The following CDK6 variants were observed in gnomAD, a reference collection of about 807,000 sequenced individuals.
The protein encoded by CDK6 is cyclin dependent kinase 6.
In CDK6, 6 loss-of-function variants were observed where a neutral mutation model predicts 37.1. That is an observed-to-expected ratio of 0.16 (90% CI 0.09 to 0.32). The LOEUF (loss-of-function observed/expected upper bound fraction) is 0.32. Among genes scored for constraint, CDK6 ranks in the 10% least tolerant of loss-of-function variants. CDK6 has a pLI of 1.00. For synonymous variants in CDK6, 160 were observed against 161.3 expected (o/e 0.99, Z 0.06); for missense variants, 224 against 418.9 (o/e 0.53, Z 4.06).
chr7:92,628,004 A>G lies in CDK6; in HGVS notation c.648-4918T>C, dbSNP rs150401155. On this transcript the variant is annotated intron_variant, in intron 5 of 7. Coordinates refer to ENST00000424848, the MANE Select transcript of CDK6 (RefSeq NM_001145306.2). ...CTTTAAGCATGCGGTATTAAAGTAT[A>G]GTGACAAACATTTTACCATATATTC... Among the ~76,000 whole-genome samples, 352 of 152,268 alleles carry G rather than the reference A, an allele frequency of 2.3e-3. 2 individuals are homozygous for G. The highest frequency in any genetic ancestry group is 7.6e-3 in the African/African-American group (317 of 41,566).
At chr7:92,736,835 A>G (rs1798800022) in intron 3 of CDK6, among the ~76,000 whole-genome samples, 2 of 152,222 alleles carry the variant, frequency 1.3e-5, no homozygotes, top group South Asian at 4.1e-4. Context: ...TTCTGAACAT[A>G]TGATAGAGAA....
At chr7:92,650,890 C>A (rs1234491935) in intron 5 of CDK6, among the ~76,000 whole-genome samples, 1 of 151,846 alleles carries the variant, frequency 6.6e-6, no homozygotes, top group African/African-American at 2.4e-5. Flanking sequence ...TGAGAAAATT[C>A]TCTCTCTTTT....
intron 5 of CDK6, among the ~76,000 whole-genome samples, chr7:92,653,637 C>T (rs1284036803): frequency 6.6e-6 from 1 of 152,132 alleles, no homozygotes; most frequent in East Asian, 1.9e-4. Flanking sequence ...ATCTCAAGTA[C>T]TAATGTCTCT....
intron 2 of CDK6, among the ~76,000 whole-genome samples, chr7:92,779,868 T>C (rs942628946): frequency 6.6e-6 from 1 of 152,260 alleles, no homozygotes. Context: ...AATGCTAGAC[T>C]ATAATATTTA....
intron 2 of CDK6, among the ~76,000 whole-genome samples, chr7:92,805,320 G>A (rs1425556725): frequency 6.6e-6 from 1 of 152,166 alleles, no homozygotes; most frequent in Non-Finnish European, 1.5e-5. Context: ...AGCTTGTGAG[G>A]TAATTATATG....
intron 4 of CDK6, among the ~76,000 whole-genome samples, chr7:92,705,964 A>G (rs540078278): frequency 1.1e-4 from 16 of 152,376 alleles, no homozygotes; most frequent in African/African-American, 3.6e-4. Flanking sequence ...AGGTTATACA[A>G]GGGCTGGGCT....
chr7:92,707,639 A>C (rs1414812058), intron 4 of CDK6, among the ~76,000 whole-genome samples: 2 of 152,246 alleles, frequency 1.3e-5, no homozygotes, highest in African/African-American at 4.8e-5. Context: ...TTCTCTTGGA[A>C]GGGTGTGAAC....
chr7:92,833,955 G>C lies in CDK6; in HGVS notation c.-367-265C>G, dbSNP rs980944070. 2.5e-6 allele frequency: 1 copy of C among 398,708 alleles called. No individual in the cohort carries two copies. 24.7% of individuals were successfully genotyped at this position (398,708 alleles called of 1,614,324 possible). A position where few individuals can be genotyped will look rare whatever the true frequency, so the allele number is the denominator to read the frequency against. On this transcript the variant is annotated intron_variant, in intron 1 of 7. Transcript: ENST00000424848. This position sits in a 1 kb window ranked among gnomAD's most constrained non-coding sequence, Gnocchi z 6.1. ...CGGGGATGAGCGAGCGGCGCGGGAC[G>C]CAGTGGAACGGGAGGGGGCGTGCCG... is the stretch of plus-strand genomic sequence containing the variant.
At chr7:92,643,902 C>G (rs1245598117) in intron 5 of CDK6, among the ~76,000 whole-genome samples, 1 of 152,154 alleles carries the variant, frequency 6.6e-6, no homozygotes, top group African/African-American at 2.4e-5. Flanking sequence ...CAAAGTTCAT[C>G]CAAGTGTACT....
chr7:92,832,013 T>C (rs1461810690), intron 2 of CDK6, among the ~76,000 whole-genome samples: 2 of 152,248 alleles, frequency 1.3e-5, no homozygotes, highest in African/African-American at 2.4e-5. Flanking sequence ...GGCATGTATT[T>C]GTTGAACAGA....
intron 4 of CDK6, among the ~76,000 whole-genome samples, chr7:92,675,975 C>G (rs1358459154): frequency 1.3e-5 from 2 of 151,740 alleles, no homozygotes. Flanking sequence ...TTATATCTGT[C>G]AGGTTTGTCA....
At chr7:92,643,439 G>A (rs1205777212) in intron 5 of CDK6, among the ~76,000 whole-genome samples, 1 of 152,026 alleles carries the variant, frequency 6.6e-6, no homozygotes, top group East Asian at 1.9e-4. Context: ...ACAGAAATAA[G>A]ACTGACGTGG....
At chr7:92,671,113 A>C (rs1323308506) in intron 5 of CDK6, 2 of 188,260 alleles carry the variant, frequency 1.1e-5, no homozygotes, top group African/African-American at 2.3e-5. Flanking sequence ...ATATTTCTTC[A>C]CTAAAAAAAT....
intron 2 of CDK6, among the ~76,000 whole-genome samples, chr7:92,806,601 G>C (rs1408144769): frequency 6.6e-6 from 1 of 152,166 alleles, no homozygotes; most frequent in Non-Finnish European, 1.5e-5. Flanking sequence ...AAAGCAGTCA[G>C]TTCATGTTAT....
intron 6 of CDK6, among the ~76,000 whole-genome samples, chr7:92,619,541 G>T (rs1262808033): frequency 6.6e-6 from 1 of 151,450 alleles, no homozygotes; most frequent in African/African-American, 2.4e-5. Flanking sequence ...GCCTCTACTT[G>T]TTGGGACTAA....
intron 4 of CDK6, chr7:92,710,793 T>A (rs929885907): frequency 1.0e-6 from 1 of 985,340 alleles, no homozygotes; most frequent in Non-Finnish European, 1.2e-6. Flanking sequence ...AAAGCAGAGA[T>A]GAGGGCTGAT....
At chr7:92,628,797 C>G (rs1795987926) in intron 5 of CDK6, among the ~76,000 whole-genome samples, 1 of 152,058 alleles carries the variant, frequency 6.6e-6, no homozygotes, top group Non-Finnish European at 1.5e-5. Context: ...TATTTAAAAA[C>G]TGGGGCTGGC....
chr7:92,722,261 T>C (rs1798385777), intron 4 of CDK6, among the ~76,000 whole-genome samples: 1 of 152,120 alleles, frequency 6.6e-6, no homozygotes, highest in Non-Finnish European at 1.5e-5. Context: ...AGAATATGAC[T>C]CCTCTTCTAA....
rs2115784557 is a variant in CDK6 at position 92,774,725 on chromosome 7, C to T, written c.340G>A (p.Glu114Lys). ...DLTTYLDKVP[E>K]PGVPTETIKD... ...ATGGTTTCAGTGGGCACTCCAGGCT[C>T]TGGAACTTTATCCAAGTAAGTGGTC... The change falls in exon 3 of 8, where the codon GAG becomes AAG. Residue 114 changes from glutamate (E) to lysine (K), a missense_variant. By Grantham distance (56) the Glu-to-Lys change is moderately conservative. Coordinates refer to ENST00000424848, the MANE Select transcript of CDK6 (RefSeq NM_001145306.2). The T allele has an allele frequency of 6.2e-7, 1 of 1,609,910 alleles. No homozygotes were observed. The highest frequency in any genetic ancestry group is 8.5e-7 in the Non-Finnish European group (1 of 1,178,568).
Sources: allele counts gnomAD v4.1 joint callset (sites outside exome capture counted in the v4.1 genomes callset), GRCh38; gene constraint gnomAD v4.1.1; non-coding constraint Gnocchi (gnomAD v3.1); transcripts MANE v1.5; gene names NCBI Gene and HGNC (gene_info 2026-07-23, HGNC 2026-07-21).